The following CNTFR variants were observed in gnomAD, a reference collection of about 807,000 sequenced individuals.
CNTFR encodes the protein ciliary neurotrophic factor receptor, also known as ciliary neurotrophic factor receptor subunit alpha.
A neutral mutation model predicts 40.4 loss-of-function variants in CNTFR; 12 were observed. That is an observed-to-expected ratio of 0.30 (90% CI 0.19 to 0.48). The LOEUF is 0.48. Among genes scored for constraint, CNTFR ranks in the 20% least tolerant of loss-of-function variants. The pLI is 0.99. For missense variants in CNTFR, 414 were observed against 506.8 expected, an observed-to-expected ratio of 0.82 and a Z score of 1.76; for synonymous variants, 202 against 209.6, an observed-to-expected ratio of 0.96 and a Z score of 0.31.
intron 2 of CNTFR, among the ~76,000 whole-genome samples, chr9:34,577,802 C>T (rs1195177305): frequency 6.6e-6 from 1 of 152,132 alleles, no homozygotes; most frequent in Non-Finnish European, 1.5e-5. Context: ...CCACCGGCTG[C>T]AGAGGCAGGG....
At chr9:34,587,416 T>G (rs1371568607) in intron 1 of CNTFR, among the ~76,000 whole-genome samples, 2 of 152,090 alleles carry the variant, frequency 1.3e-5, no homozygotes, top group Non-Finnish European at 1.5e-5. Flanking sequence ...GATCCCAATA[T>G]GAATCTGAGT....
chr9:34,560,634 C>T (rs149219686), intron 4 of CNTFR, among the ~76,000 whole-genome samples: 18 of 152,340 alleles, frequency 1.2e-4, no homozygotes, highest in African/African-American at 4.1e-4. Context: ...GAACTGAACA[C>T]CGTGTGAGTG....
chr9:34,571,800 A>G (rs72735295), intron 2 of CNTFR, among the ~76,000 whole-genome samples: 8,122 of 152,030 alleles, frequency 0.053, 342 homozygotes, highest in African/African-American at 0.11. Context: ...CTCAGGGAGG[A>G]GAGACAAGAG....
Position 34,576,374 on chromosome 9 carries a change from C to A in CNTFR, c.-1+4721G>T, listed in dbSNP as rs76613910. Among the ~76,000 whole-genome samples, 536 of 152,312 alleles carry A rather than the reference C, an allele frequency of 3.5e-3. 2 individuals carry two copies. Among genetic ancestry groups the A allele is most frequent in the African/African-American group, 0.012 (518 of 41,578 alleles). ...GAACAGTCAACCTTCCACACAGACA[C>A]CATTGTACACTTCCAGAAGCTCAGG... is the stretch of plus-strand genomic sequence containing the variant. On this transcript the variant is annotated intron_variant, in intron 2 of 9. Coordinates refer to ENST00000378980, the MANE Select transcript of CNTFR (RefSeq NM_147164.3).
chr9:34,560,766 C>T (rs1297216872), intron 4 of CNTFR, among the ~76,000 whole-genome samples: 2 of 152,246 alleles, frequency 1.3e-5, no homozygotes, highest in Admixed American at 1.3e-4. Flanking sequence ...AAGTGACTGT[C>T]AGCCTGTGGC....
intron 4 of CNTFR, among the ~76,000 whole-genome samples, chr9:34,562,588 G>C (rs533472644): frequency 1.1e-4 from 16 of 152,314 alleles, no homozygotes; most frequent in Non-Finnish European, 1.6e-4. Context: ...TTCTGACAGC[G>C]AGGCAAGTGT....
Position 34,556,240 on chromosome 9 carries a change from G to A in CNTFR, c.768+15C>T, listed in dbSNP as rs956458379. The stretch of plus-strand genomic sequence containing the variant: ...AACTCAGGCACCCAGGATCTTGGCC[G>A]GGCAGGGCACTCACATGCTGCCACT... On this transcript the variant is annotated intron_variant, in intron 7 of 9. Coordinates refer to ENST00000378980, the MANE Select transcript of CNTFR (RefSeq NM_147164.3). 1.1e-5 allele frequency: 17 copies of A among 1,603,026 alleles called. No individual in the cohort carries two copies. The highest frequency in any genetic ancestry group is 1.6e-4 in the Middle Eastern group (1 of 6,068).
intron 4 of CNTFR, among the ~76,000 whole-genome samples, chr9:34,563,773 C>A (rs887756609): frequency 2.0e-5 from 3 of 152,200 alleles, no homozygotes; most frequent in African/African-American, 7.2e-5. Flanking sequence ...CCAACTGCGC[C>A]TTCTCAGCTT....
At chr9:34,572,051 G>A (rs1826687290) in intron 2 of CNTFR, among the ~76,000 whole-genome samples, 1 of 152,032 alleles carries the variant, frequency 6.6e-6, no homozygotes, top group South Asian at 2.1e-4. Context: ...ATGGGATGGT[G>A]GTCAATGCAA....
At chr9:34,569,130 G>A (rs1264707363) in intron 2 of CNTFR, 149 bp from the exon 3 acceptor site, 12 of 674,584 alleles carry the variant, frequency 1.8e-5, no homozygotes, top group East Asian at 5.5e-5. Flanking sequence ...CACCCAACCC[G>A]ACTGACACGG....
At chr9:34,571,027 C>T (rs1266079800) in intron 2 of CNTFR, among the ~76,000 whole-genome samples, 1 of 152,186 alleles carries the variant, frequency 6.6e-6, no homozygotes, top group African/African-American at 2.4e-5. Flanking sequence ...TCCTAAGTGG[C>T]CCCAGCTACC....
intron 2 of CNTFR, among the ~76,000 whole-genome samples, chr9:34,577,983 T>C (rs1006344011): frequency 9.5e-5 from 14 of 147,678 alleles, no homozygotes; most frequent in Middle Eastern, 3.5e-3. Context: ...GCGGCGGGGG[T>C]GACAAGTCCT....
intron 4 of CNTFR, among the ~76,000 whole-genome samples, chr9:34,563,585 C>T (rs1294079100): frequency 6.6e-6 from 1 of 152,254 alleles, no homozygotes; most frequent in East Asian, 1.9e-4. Context: ...TAAGAATTCT[C>T]ATCTTGGGAT....
intron 1 of CNTFR, among the ~76,000 whole-genome samples, chr9:34,584,920 A>C (rs1827476861): frequency 6.6e-6 from 1 of 152,128 alleles, no homozygotes; most frequent in African/African-American, 2.4e-5. Flanking sequence ...CTAGCCTGCA[A>C]ACCAGTCTTC....
chr9:34,564,453 G>A (rs933196124), intron 4 of CNTFR, 146 bp downstream of exon 4: 5 of 768,928 alleles, frequency 6.5e-6, no homozygotes, highest in African/African-American at 5.2e-5. Flanking sequence ...CCAGAAGAGC[G>A]GGCCAGGACA....
intron 1 of CNTFR, among the ~76,000 whole-genome samples, chr9:34,583,446 T>G (rs1827407874): frequency 6.6e-6 from 1 of 152,182 alleles, no homozygotes; most frequent in Admixed American, 6.5e-5. Context: ...CTCAGAACCC[T>G]GTAGGCTCAC....
chr9:34,571,452 C>T (rs1826635277), intron 2 of CNTFR: 1 of 152,306 alleles, frequency 6.6e-6, no homozygotes, highest in Non-Finnish European at 1.5e-5. Context: ...GAGGTTAGAT[C>T]CAAGGATGGG....
chr9:34,585,854 CA>C (rs137932778), intron 1 of CNTFR, among the ~76,000 whole-genome samples: 6,835 of 152,328 alleles, frequency 0.045, 238 homozygotes, highest in South Asian at 0.069. Flanking sequence ...ACCAAGCACA[CA>C]TGGTCCCCCC....
At chr9:34,586,553 C>T (rs1484954524) in intron 1 of CNTFR, among the ~76,000 whole-genome samples, 1 of 152,132 alleles carries the variant, frequency 6.6e-6, no homozygotes, top group Non-Finnish European at 1.5e-5. Flanking sequence ...GGGGAGATGT[C>T]TTGGGAGGAC....
Sources: allele counts gnomAD v4.1 joint callset (sites outside exome capture counted in the v4.1 genomes callset), GRCh38; gene constraint gnomAD v4.1.1; transcripts MANE v1.5; gene names NCBI Gene and HGNC (gene_info 2026-07-23, HGNC 2026-07-21).